Variants in GUCY2D observed in about 807,000 individuals in gnomAD.
GUCY2D encodes guanylate cyclase 2D, retinal, also known as retinal guanylyl cyclase 1.
Under a neutral mutation model 101.3 loss-of-function variants are expected in GUCY2D, and 70 were observed. The observed-to-expected ratio is 0.69, with a 90% confidence interval of 0.57 to 0.84. The LOEUF (loss-of-function observed/expected upper bound fraction) is 0.84, where lower values mean the gene tolerates loss of function less well. GUCY2D is among the 40% of genes least tolerant of loss of function. GUCY2D has a pLI of 0.00. For synonymous variants in GUCY2D, 688 were observed against 670.7 expected, an observed-to-expected ratio of 1.03 and a Z score of -0.40; for missense variants, 1,460 against 1,542.5, an observed-to-expected ratio of 0.95 and a Z score of 0.90.
chr17:8,015,391 C>T lies in GUCY2D; in HGVS notation c.2833C>T (p.His945Tyr). The T allele has an allele frequency of 6.2e-7, 1 of 1,613,264 alleles. No individual in the cohort carries two copies. Among genetic ancestry groups the T allele is most frequent in the Non-Finnish European group, 8.5e-7 (1 of 1,179,936 alleles). Residue 945 changes from histidine to tyrosine, a missense_variant, in exon 15 of 20, where the codon CAC becomes TAC. Coordinates refer to ENST00000254854, the MANE Select transcript of GUCY2D (RefSeq NM_000180.4). ...GCTGCCCCAGCGGAATGGGCAGCGA[C>T]ACGCGGCAGAGATCGCCAACATGTC... ...SGLPQRNGQR[H>Y]AAEIANMSLD...
intron 6 of GUCY2D, 25 bp from the exon 7 acceptor site, chr17:8,007,906 T>G (rs751090137): frequency 7.0e-7 from 1 of 1,433,210 alleles, no homozygotes; most frequent in Non-Finnish European, 9.9e-7. Context: ...TATTTTGACC[T>G]CTTGCATTGA....
chr17:8,013,317 C>G lies in GUCY2D; in HGVS notation c.2263+65C>G. On this transcript the variant is annotated intron_variant, in intron 11 of 19. Coordinates refer to ENST00000254854, the MANE Select transcript of GUCY2D (RefSeq NM_000180.4). The surrounding 1 kb of genome is among the most constrained non-coding windows in gnomAD (Gnocchi z 5.0). Reference sequence around the variant, plus strand: ...ACCCTGCAGTTAGAAAAGAGCCAGCCTCACTCTTTCCTCTAAAGCAAAGCC... The same window carrying G: ...ACCCTGCAGTTAGAAAAGAGCCAGCGTCACTCTTTCCTCTAAAGCAAAGCC... 2 of 1,507,620 alleles carry G rather than the reference C, an allele frequency of 1.3e-6. No individual in the cohort carries two copies. Among genetic ancestry groups the G allele is most frequent in the Non-Finnish European group, 1.8e-6 (2 of 1,089,786 alleles). The allele number at this position is 1,507,620 out of a possible 1,614,324, so 93.4% of individuals were successfully genotyped here. A position where few individuals can be genotyped will look rare whatever the true frequency, so the allele number is the denominator to read the frequency against.
intron 3 of GUCY2D, among the ~76,000 whole-genome samples, chr17:8,005,995 A>G (rs1975729773): frequency 6.6e-6 from 1 of 152,298 alleles, no homozygotes; most frequent in Non-Finnish European, 1.5e-5. Flanking sequence ...TGAGGTTAAA[A>G]CTATATGCTG....
chr17:8,007,283 A>G, intron 5 of GUCY2D, 139 bp downstream of exon 5: 3 of 898,394 alleles, frequency 3.3e-6, no homozygotes, highest in Non-Finnish European at 3.7e-6. Flanking sequence ...GGGCTGGTAG[A>G]GTCCCAGGGG....
rs1200928875 is a variant in GUCY2D at position 8,011,002 on chromosome 17, G to A, written c.1750-1142G>A. Among the ~76,000 whole-genome samples the A allele has an allele frequency of 1.3e-5, 2 of 151,934 alleles. No individual in the cohort carries two copies. The highest frequency in any genetic ancestry group is 1.9e-4 in the East Asian group (1 of 5,164). On this transcript the variant is annotated intron_variant, in intron 8 of 19. Transcript: ENST00000254854. The surrounding 1 kb of genome is among the most constrained non-coding windows in gnomAD (Gnocchi z 4.3). ...GAGGGAGGGTGGGAGTCTCAGACCC[G>A]ACTGACACAATGACGTAACGCCAAG...
At chr17:8,007,810 C>A in intron 6 of GUCY2D, 121 bp from the exon 7 acceptor site, 1 of 723,912 alleles carries the variant, frequency 1.4e-6, no homozygotes. Flanking sequence ...TCATTATCAC[C>A]TTCCCTCATT....
Position 8,003,851 on chromosome 17 carries a change from G to C in GUCY2D, c.722-1G>C, listed in dbSNP as rs773327031. On this transcript the variant is annotated splice_acceptor_variant, in intron 2 of 19. Coordinates refer to ENST00000254854, the MANE Select transcript of GUCY2D (RefSeq NM_000180.4). LOFTEE classifies it high-confidence loss of function. ...GCCGCGAGCCAAGCCTCTGTCCGCAGCAGTGATCATGGTGATGCACTCGGT... is the reference window on the plus strand; with the variant it reads ...GCCGCGAGCCAAGCCTCTGTCCGCACCAGTGATCATGGTGATGCACTCGGT... 1.2e-6 allele frequency: 2 copies of C among 1,611,640 alleles called. No homozygotes were observed. Among genetic ancestry groups the C allele is most frequent in the African/African-American group, 2.7e-5 (2 of 74,904 alleles).
chr17:8,017,933 A>T (rs1976007763), intron 19 of GUCY2D, among the ~76,000 whole-genome samples: 1 of 152,114 alleles, frequency 6.6e-6, no homozygotes, highest in Admixed American at 6.6e-5. Flanking sequence ...ACATCAAGTG[A>T]TCTGCCCACC....
intron 7 of GUCY2D, among the ~76,000 whole-genome samples, 168 bp from the exon 8 acceptor site, chr17:8,009,338 T>C (rs891744506): frequency 5.3e-5 from 8 of 152,194 alleles, no homozygotes; most frequent in African/African-American, 1.7e-4. Flanking sequence ...CCCAGATGGC[T>C]GTGAAGTGGA....
rs771769796 is a variant in GUCY2D at position 8,016,202 on chromosome 17, C to G, written c.3139-3C>G. On this transcript the variant is annotated splice_region_variant and splice_polypyrimidine_tract_variant and intron_variant, in intron 17 of 19. Transcript: ENST00000254854. ...AGTCCTTCCCTCTCCCATGTCTCCC[C>G]AGGGCAAGGGCGCCGAGGACACTTT... The G allele has an allele frequency of 1.9e-6, 3 of 1,580,522 alleles. No homozygotes were observed. In the Admixed American group the frequency reaches 5.5e-5, roughly 29 times the overall value.
intron 5 of GUCY2D, 58 bp from the exon 6 acceptor site, chr17:8,007,368 C>T (rs1266724058): frequency 2.0e-5 from 24 of 1,191,856 alleles, no homozygotes; most frequent in Non-Finnish European, 2.8e-5. Flanking sequence ...GCATCCCCTG[C>T]TGGTCTCTTC....
At position 8,007,941 on chromosome 17, in the gene GUCY2D, G is replaced by A; in HGVS notation, c.1577G>A (p.Gly526Glu). Residue 526 changes from glycine to glutamate, a missense_variant, in exon 7 of 20, where the codon GGG (glycine) becomes GAG (glutamate). Gly to Glu is a moderately conservative substitution (Grantham distance 98). Coordinates refer to ENST00000254854, the MANE Select transcript of GUCY2D (RefSeq NM_000180.4). ...HGGTSRKVAQGSRSSLGARSM... is the reference protein window; with the variant it reads ...HGGTSRKVAQESRSSLGARSM... The stretch of plus-strand genomic sequence containing the variant: ...ACCTCTACCTGCTAGGTGGCCCAGG[G>A]GAGTCGATCAAGTCTGGGTGCCCGC... The A allele has an allele frequency of 6.2e-6, 10 of 1,610,728 alleles. No homozygotes were observed. Among genetic ancestry groups the A allele is most frequent in the Non-Finnish European group, 7.6e-6 (9 of 1,176,928 alleles).
At chr17:8,012,836 G>T (rs1975883344) in intron 10 of GUCY2D, among the ~76,000 whole-genome samples, 1 of 152,230 alleles carries the variant, frequency 6.6e-6, no homozygotes, top group East Asian at 1.9e-4. Flanking sequence ...AGCAGGGTTT[G>T]CTCTGATTAC....
At position 8,020,128 on chromosome 17, in the gene GUCY2D, G is replaced by C. The variant is rs1976046008; in HGVS notation, c.*25G>C. On this transcript the variant is annotated splice_region_variant and 3_prime_UTR_variant, in exon 20 of 20. Transcript: ENST00000254854. ...TTTTTTTTTTTGTGCTTCTCCTTAG[G>C]GTCTGGGCCCTGCTCCCTGTCCCAT... 1 of 142,430 alleles carries C rather than the reference G, an allele frequency of 7.0e-6. No individual in the cohort carries two copies. The highest frequency in any genetic ancestry group is 2.3e-4 in the South Asian group (1 of 4,354). The allele number at this position is 142,430 out of a possible 1,614,324, so 8.8% of individuals were successfully genotyped here.
rs1448100751 is a variant in GUCY2D, at chr17:8,012,191, C to A, written c.1797C>A (p.Phe599Leu). ...HENVALYLGLFLARGAEGPAA... is the reference protein window; with the variant it reads ...HENVALYLGLLLARGAEGPAA... ...ACGTGGCCCTCTACCTGGGGCTTTT[C>A]CTGGCTCGGGGAGCAGAAGGCCCTG... is the stretch of plus-strand genomic sequence containing the variant. The change falls in exon 9 of 20, where the codon TTC (phenylalanine) becomes TTA (leucine). Residue 599 changes from phenylalanine to leucine, a missense_variant. Coordinates refer to ENST00000254854, the MANE Select transcript of GUCY2D (RefSeq NM_000180.4). 2.5e-6 allele frequency: 4 copies of A among 1,614,054 alleles called. No homozygotes were observed. The highest frequency in any genetic ancestry group is 3.4e-6 in the Non-Finnish European group (4 of 1,180,040).
chr17:8,005,782 T>C (rs1975725488), intron 3 of GUCY2D, among the ~76,000 whole-genome samples: 1 of 152,242 alleles, frequency 6.6e-6, no homozygotes, highest in Non-Finnish European at 1.5e-5. Flanking sequence ...TCTTTAGTGC[T>C]CTGCACAGTG....
intron 16 of GUCY2D, 35 bp downstream of exon 16, chr17:8,015,876 G>A: frequency 6.2e-7 from 1 of 1,600,332 alleles, no homozygotes; most frequent in South Asian, 1.1e-5. Flanking sequence ...GGAGGTGGGA[G>A]GGGGACACGG....
At chr17:8,015,576 G>C in intron 15 of GUCY2D, 74 bp downstream of exon 15, 16 of 1,389,388 alleles carry the variant, frequency 1.2e-5, no homozygotes, top group Non-Finnish European at 1.6e-5. Flanking sequence ...CTGTAGAGGA[G>C]GCAACTCATG....
chr17:8,010,765 C>T (rs1451665054), intron 8 of GUCY2D, among the ~76,000 whole-genome samples: 5 of 141,072 alleles, frequency 3.5e-5, no homozygotes, highest in East Asian at 2.1e-4. Flanking sequence ...GCCGAGATCG[C>T]GGCACTGCAC....
Sources: allele counts gnomAD v4.1 joint callset (sites outside exome capture counted in the v4.1 genomes callset), GRCh38; gene constraint gnomAD v4.1.1; non-coding constraint Gnocchi (gnomAD v3.1); transcripts MANE v1.5; gene names NCBI Gene and HGNC (gene_info 2026-07-23, HGNC 2026-07-21).